Variants in CRAMP1 observed in about 807,000 individuals in gnomAD.
CRAMP1 encodes protein cramped-like.
Under a neutral mutation model 115.4 loss-of-function variants are expected in CRAMP1, and 50 were observed. The observed-to-expected ratio is 0.43, with a 90% confidence interval of 0.35 to 0.55. The LOEUF is 0.55. CRAMP1 is among the 20% of genes least tolerant of loss of function. CRAMP1 has a pLI of 0.01. For missense variants in CRAMP1, 1,679 were observed against 1,721.7 expected (o/e 0.98, Z 0.44); for synonymous variants, 866 against 745.4 (o/e 1.16, Z -2.64).
At chr16:1,630,562 G>T (rs1221472882) in intron 3 of CRAMP1, among the ~76,000 whole-genome samples, 1 of 152,190 alleles carries the variant, frequency 6.6e-6, no homozygotes, top group East Asian at 1.9e-4. Flanking sequence ...CACTGTGAGG[G>T]TATGAGCACA....
At chr16:1,667,828 G>A in intron 17 of CRAMP1, 134 bp from the exon 18 acceptor site, 1 of 625,580 alleles carries the variant, frequency 1.6e-6, no homozygotes, top group South Asian at 1.9e-5. Context: ...TCCTGAGTTG[G>A]AAGGATGAGG....
At chr16:1,651,136 TGAGGTCACA>T (rs1200147777) in intron 6 of CRAMP1, among the ~76,000 whole-genome samples, 1 of 149,972 alleles carries the variant, frequency 6.7e-6, no homozygotes, top group Admixed American at 6.6e-5. Flanking sequence ...AAAGGTAGAT[TGAGGTCACA>T]GAGGTCACGA....
At chr16:1,660,866 G>C (rs2036822949) in intron 11 of CRAMP1, among the ~76,000 whole-genome samples, 1 of 152,174 alleles carries the variant, frequency 6.6e-6, no homozygotes, top group African/African-American at 2.4e-5. Flanking sequence ...AAACTAGTCT[G>C]ACGTGGTGGT....
rs1249849814 is a variant in CRAMP1, at chr16:1,676,945, G to C, written c.*2900G>C. 1 of 152,332 alleles carries C rather than the reference G, an allele frequency of 6.6e-6. No individual in the cohort carries two copies. The highest frequency in any genetic ancestry group is 1.5e-5 in the Non-Finnish European group (1 of 68,050). 9.4% of individuals were successfully genotyped at this position (152,332 alleles called of 1,614,324 possible). A position where few individuals can be genotyped will look rare whatever the true frequency, so the allele number is the denominator to read the frequency against. ...CAGGTTCTGGGCATGAGAGGCCGTG[G>C]CCTCATTTCTGGTGGATAACCTTTT... On this transcript the variant is annotated 3_prime_UTR_variant, in exon 21 of 21. Transcript: ENST00000397412.
At chr16:1,658,109 G>A (rs2076416) in intron 10 of CRAMP1, among the ~76,000 whole-genome samples, 5 of 152,076 alleles carry the variant, frequency 3.3e-5, no homozygotes, top group Non-Finnish European at 5.9e-5. Flanking sequence ...ACCCCCAGCC[G>A]GTGCAGGGCT....
At chr16:1,664,951 C>T in intron 13 of CRAMP1, 106 bp from the exon 14 acceptor site, 1 of 776,728 alleles carries the variant, frequency 1.3e-6, no homozygotes, top group South Asian at 1.5e-5. Context: ...AAAGCCCCAC[C>T]TGGCTATGCT....
At chr16:1,642,871 G>C (rs751522664) in intron 6 of CRAMP1, among the ~76,000 whole-genome samples, 19 of 152,252 alleles carry the variant, frequency 1.2e-4, no homozygotes, top group Non-Finnish European at 2.2e-4. Context: ...TGGCCTGTCC[G>C]ATGAGCGTTC....
rs926495994 is a variant in CRAMP1 at position 1,643,890 on chromosome 16, G to T, written c.827+2703G>T. Among the ~76,000 whole-genome samples the T allele has an allele frequency of 7.9e-5, 12 of 152,374 alleles. No individual in the cohort carries two copies. The East Asian group carries it at 1.7e-3, about 22-fold the overall frequency. On this transcript the variant is annotated intron_variant, in intron 6 of 20. Transcript: ENST00000397412. ...TCTGCTGTGCTCCTGCAGTGGAGGGGCTCTGAGATGACTGACTGTGGGCCT... is the reference window on the plus strand; with the variant it reads ...TCTGCTGTGCTCCTGCAGTGGAGGGTCTCTGAGATGACTGACTGTGGGCCT...
chr16:1,647,491 AG>A (rs1156681487), intron 6 of CRAMP1, among the ~76,000 whole-genome samples: 4 of 152,208 alleles, frequency 2.6e-5, no homozygotes, highest in South Asian at 2.1e-4. Flanking sequence ...TTGTAATCCC[AG>A]CACTTTGGGA....
chr16:1,646,696 T>C (rs1288774331), intron 6 of CRAMP1, among the ~76,000 whole-genome samples: 1 of 152,232 alleles, frequency 6.6e-6, no homozygotes, highest in Non-Finnish European at 1.5e-5. Context: ...TTTTCTTCTA[T>C]GGTTTATGCT....
At chr16:1,651,565 TCA>T (rs1248838104) in intron 6 of CRAMP1, among the ~76,000 whole-genome samples, 8 of 133,214 alleles carry the variant, frequency 6.0e-5, no homozygotes, top group African/African-American at 1.2e-4. Context: ...TGGATTGAGG[TCA>T]CACAGTTCAC....
intron 1 of CRAMP1, among the ~76,000 whole-genome samples, chr16:1,613,983 C>A (rs1052269718): frequency 1.6e-4 from 25 of 151,940 alleles, no homozygotes; most frequent in African/African-American, 5.3e-4. Flanking sequence ...TGGAGTTCCC[C>A]GTGCGGGCAG....
chr16:1,652,702 C>G, intron 7 of CRAMP1, 121 bp downstream of exon 7: 1 of 859,778 alleles, frequency 1.2e-6, no homozygotes, highest in South Asian at 1.6e-5. Flanking sequence ...TGCTTAATCC[C>G]AGGGCTGCAC....
intron 2 of CRAMP1, among the ~76,000 whole-genome samples, chr16:1,624,946 C>T (rs766930620): frequency 5.9e-5 from 9 of 152,060 alleles, no homozygotes; most frequent in Non-Finnish European, 1.2e-4. Context: ...ATGCTGGTCT[C>T]GAACTTTTGG....
At chr16:1,631,535 C>G (rs2036548270) in intron 3 of CRAMP1, among the ~76,000 whole-genome samples, 1 of 152,158 alleles carries the variant, frequency 6.6e-6, no homozygotes, top group African/African-American at 2.4e-5. Flanking sequence ...ACTGCTGAGC[C>G]CTTCCAGTAC....
In CRAMP1 at chr16:1,667,945, T is replaced by TA; in HGVS notation, c.3103-16dup. On this transcript the variant is annotated splice_polypyrimidine_tract_variant and intron_variant, in intron 17 of 20. Coordinates refer to ENST00000397412, the MANE Select transcript of CRAMP1 (RefSeq NM_020825.4). ...GATAGACCTGGTTGTGTCTGAAAAA[T>TA]ACCTGTCTCCCAGCAGGGCTCATCT... 6.5e-7 allele frequency: 1 copy of TA among 1,530,994 alleles called. No individual in the cohort carries two copies. 94.8% of individuals were successfully genotyped at this position (1,530,994 alleles called of 1,614,324 possible).
chr16:1,668,249 C>T lies in CRAMP1; in HGVS notation c.3334+56C>T, dbSNP rs112726754. On this transcript the variant is annotated intron_variant, in intron 18 of 20. Coordinates refer to ENST00000397412, the MANE Select transcript of CRAMP1 (RefSeq NM_020825.4). ...TGTCATCAGGTGTTGATCTCCTGCC[C>T]CAATGTTTGCCACACTTCCTGGGGA... The T allele has an allele frequency of 9.0e-6, 11 of 1,225,930 alleles. No homozygotes were observed. The African/African-American group carries it at 1.0e-4, about 12-fold the overall frequency. 75.9% of individuals were successfully genotyped at this position (1,225,930 alleles called of 1,614,324 possible). A position where few individuals can be genotyped will look rare whatever the true frequency, so the allele number is the denominator to read the frequency against.
At chr16:1,673,125 C>A (rs536225304) in intron 20 of CRAMP1, among the ~76,000 whole-genome samples, 10 of 149,776 alleles carry the variant, frequency 6.7e-5, no homozygotes, top group Non-Finnish European at 1.3e-4. Flanking sequence ...CCTCATGTCT[C>A]TGATGGGAAC....
At chr16:1,613,362 A>G (rs2036379410) in intron 1 of CRAMP1, among the ~76,000 whole-genome samples, 1 of 151,998 alleles carries the variant, frequency 6.6e-6, no homozygotes, top group Non-Finnish European at 1.5e-5. Context: ...CTTTGAAGCC[A>G]TTTCCCGATC....
Sources: allele counts gnomAD v4.1 joint callset (sites outside exome capture counted in the v4.1 genomes callset), GRCh38; gene constraint gnomAD v4.1.1; transcripts MANE v1.5; gene names NCBI Gene and HGNC (gene_info 2026-07-23, HGNC 2026-07-21).